NELL1: variants seen among roughly 807,000 people sequenced by gnomAD.
NELL1 encodes neural EGFL like 1, also known as protein kinase C-binding protein NELL1.
A neutral mutation model predicts 107.4 loss-of-function variants in NELL1; 76 were observed. The ratio of observed to expected loss-of-function variants is 0.71; its 90% confidence interval spans 0.59 to 0.86. The LOEUF is 0.86. Among genes scored for constraint, NELL1 ranks in the 40% least tolerant of loss-of-function variants. The pLI, the probability that NELL1 is intolerant of heterozygous loss-of-function variation, is 0.00. For synonymous variants in NELL1, 353 were observed against 341.2 expected (o/e 1.03, Z -0.38); for missense variants, 1,024 against 1,005.5 (o/e 1.02, Z -0.25).
At chr11:20,966,116 C>T (rs140972106) in intron 12 of NELL1, among the ~76,000 whole-genome samples, 55 of 152,230 alleles carry the variant, frequency 3.6e-4, no homozygotes, top group African/African-American at 1.2e-3. Flanking sequence ...TTAGTTCGTT[C>T]ATGCCGCTGT....
chr11:20,980,254 T>C (rs867037782), intron 12 of NELL1, among the ~76,000 whole-genome samples: 1 of 152,112 alleles, frequency 6.6e-6, no homozygotes, highest in Admixed American at 6.5e-5. Context: ...TTGTGTTGGG[T>C]GCGTTTACGT....
At chr11:21,376,579 A>G (rs541254426) in intron 15 of NELL1, among the ~76,000 whole-genome samples, 1 of 152,122 alleles carries the variant, frequency 6.6e-6, no homozygotes, top group East Asian at 1.9e-4. Context: ...TTTCTGGTTC[A>G]GTGAAAACTT....
intron 1 of NELL1, chr11:20,674,507 C>T (rs990488826): frequency 2.6e-6 from 4 of 1,535,954 alleles, no homozygotes; most frequent in African/African-American, 1.4e-5. Flanking sequence ...ATGAAGCCAC[C>T]CGTGTTATCG....
chr11:21,046,850 G>A (rs1193901978), intron 12 of NELL1, among the ~76,000 whole-genome samples: 1 of 151,480 alleles, frequency 6.6e-6, no homozygotes, highest in Non-Finnish European at 1.5e-5. Flanking sequence ...TGGGAGTATA[G>A]CCATGTACCA....
intron 3 of NELL1, among the ~76,000 whole-genome samples, chr11:20,823,241 G>C (rs1857799331): frequency 6.6e-6 from 1 of 151,370 alleles, no homozygotes; most frequent in African/African-American, 2.4e-5. Flanking sequence ...AGCAGGCAGA[G>C]AGAATGAGGA....
chr11:21,480,077 C>A (rs1854454077), intron 15 of NELL1, among the ~76,000 whole-genome samples: 1 of 152,148 alleles, frequency 6.6e-6, no homozygotes, highest in African/African-American at 2.4e-5. Context: ...TATAATTGAT[C>A]TGAAAACTTC....
At position 21,436,856 on chromosome 11, in the gene NELL1, A is replaced by AT. The variant is rs568606171; in HGVS notation, c.1645+65914dup. ...TTTCAAGAATTTTTTTTGCTTCTTAATTTTTTCACTGAGCCACTAGTTGTT... is the reference window on the plus strand; with the variant it reads ...TTTCAAGAATTTTTTTTGCTTCTTAATTTTTTTCACTGAGCCACTAGTTGTT... On this transcript the variant is annotated intron_variant, in intron 15 of 19. Coordinates refer to ENST00000357134, the MANE Select transcript of NELL1 (RefSeq NM_006157.5). 1.4e-3 allele frequency among the ~76,000 whole-genome samples: 214 copies of AT among 151,730 alleles called. 2 individuals are homozygous for AT. Among genetic ancestry groups the AT allele is most frequent in the African/African-American group, 4.9e-3 (203 of 41,388 alleles).
At chr11:20,944,007 G>T (rs1850912581) in intron 10 of NELL1, among the ~76,000 whole-genome samples, 1 of 152,142 alleles carries the variant, frequency 6.6e-6, no homozygotes, top group African/African-American at 2.4e-5. Context: ...AATGGGTATA[G>T]GATCAAAGGG....
At chr11:21,459,654 C>A (rs1330416615) in intron 15 of NELL1, among the ~76,000 whole-genome samples, 1 of 151,990 alleles carries the variant, frequency 6.6e-6, no homozygotes, top group African/African-American at 2.4e-5. Context: ...AAATGAATGA[C>A]TAAATCATTC....
chr11:21,472,703 G>T (rs1285961061), intron 15 of NELL1, among the ~76,000 whole-genome samples: 2 of 151,826 alleles, frequency 1.3e-5, no homozygotes, highest in African/African-American at 4.8e-5. Context: ...TCCTTGGCCA[G>T]CCTGGGAAAT....
chr11:21,193,017 T>C (rs368429519), intron 13 of NELL1, among the ~76,000 whole-genome samples: 2 of 151,896 alleles, frequency 1.3e-5, no homozygotes, highest in Non-Finnish European at 2.9e-5. Flanking sequence ...TTACAAAATG[T>C]AGTGGTTAAA....
intron 10 of NELL1, among the ~76,000 whole-genome samples, chr11:20,941,485 G>T (rs948364715): frequency 6.6e-6 from 1 of 152,168 alleles, no homozygotes; most frequent in Non-Finnish European, 1.5e-5. Context: ...TCCAGTAAGA[G>T]CTGGGTTGGA....
chr11:20,863,454 C>T, intron 4 of NELL1, among the ~76,000 whole-genome samples: 1 of 138,726 alleles, frequency 7.2e-6, no homozygotes, highest in South Asian at 2.5e-4. Context: ...CGGAGGGGCT[C>T]CTCACTTCTC....
intron 12 of NELL1, among the ~76,000 whole-genome samples, chr11:21,057,941 G>A (rs77264275): frequency 1.3e-5 from 2 of 151,922 alleles, no homozygotes; most frequent in Non-Finnish European, 2.9e-5. Flanking sequence ...TCTCCTATAG[G>A]CAGAGTTTGT....
intron 2 of NELL1, among the ~76,000 whole-genome samples, chr11:20,766,099 G>A (rs11025747): frequency 1.3e-5 from 2 of 152,290 alleles, no homozygotes; most frequent in East Asian, 3.9e-4. Context: ...CAGGTAAGCT[G>A]CACCTAAGCT....
rs189077423 is a variant in NELL1 at position 21,402,949 on chromosome 11, C to G, written c.1645+32001C>G. Among the ~76,000 whole-genome samples the G allele has an allele frequency of 8.7e-4, 132 of 151,760 alleles. 5 individuals are homozygous for G. Among genetic ancestry groups the G allele is most frequent in the African/African-American group, 3.0e-3 (125 of 41,348 alleles). On this transcript the variant is annotated intron_variant, in intron 15 of 19. Transcript: ENST00000357134. Reference sequence around the variant, plus strand: ...TGAGAGCAGCTAAGAGCTAGCTGACCTCCTTGATATTGGTCAGTACCTGAA... The same window carrying G: ...TGAGAGCAGCTAAGAGCTAGCTGACGTCCTTGATATTGGTCAGTACCTGAA...
intron 15 of NELL1, among the ~76,000 whole-genome samples, chr11:21,477,709 G>T (rs898679661): frequency 1.3e-5 from 2 of 151,880 alleles, no homozygotes; most frequent in Admixed American, 6.6e-5. Context: ...ACTAAGTAAG[G>T]CACCAGGAAC....
At chr11:20,716,595 G>A (rs750344028) in intron 2 of NELL1, among the ~76,000 whole-genome samples, 14 of 152,112 alleles carry the variant, frequency 9.2e-5, no homozygotes, top group Admixed American at 1.3e-4. Context: ...ATATTACCAC[G>A]TTTGTATGTG....
In NELL1 at chr11:20,746,489, G is replaced by A. The variant is rs60021017; in HGVS notation, c.185-37191G>A. On this transcript the variant is annotated intron_variant, in intron 2 of 19. Coordinates refer to ENST00000357134, the MANE Select transcript of NELL1 (RefSeq NM_006157.5). ...GTCCTCCCTTCACATATGTAGAAAA[G>A]CATCGAAGTATGTGGCATACAGAGC... 6.1e-3 allele frequency among the ~76,000 whole-genome samples: 927 copies of A among 151,916 alleles called. 6 individuals are homozygous for A. Among genetic ancestry groups the A allele is most frequent in the African/African-American group, 0.022 (890 of 41,388 alleles).
Sources: gnomAD v4.1 joint callset for allele counts (sites outside exome capture counted in the v4.1 genomes callset) on GRCh38, gnomAD v4.1.1 for gene constraint, MANE v1.5 for transcripts, NCBI Gene and HGNC (gene_info 2026-07-23, HGNC 2026-07-21) for gene names.